CHRDL1: variants seen among roughly 807,000 people sequenced by gnomAD.
CHRDL1 encodes chordin-like protein 1.
In CHRDL1, 19 loss-of-function variants were observed where a neutral mutation model predicts 40.9. The observed-to-expected ratio is 0.46, with a 90% CI of 0.32 to 0.68. CHRDL1 has a LOEUF of 0.68. Ranked by LOEUF, CHRDL1 falls within the 30% of genes least tolerant of loss-of-function variation. CHRDL1 has a pLI of 0.03. For synonymous variants in CHRDL1, 136 were observed against 123.4 expected (o/e 1.10, Z -0.68); for missense variants, 329 against 352.1 (o/e 0.93, Z 0.53).
intron 4 of CHRDL1, among the ~76,000 whole-genome samples, chrX:110,750,815 C>T (rs1008657433): frequency 1.8e-5 from 2 of 111,824 alleles, no homozygotes; most frequent in African/African-American, 3.3e-5. Context: ...AGCAGAGGGG[C>T]AGGCCAGATG....
At chrX:110,763,358 T>G (rs2089599107) in intron 2 of CHRDL1, among the ~76,000 whole-genome samples, 1 of 108,835 alleles carries the variant, frequency 9.2e-6, no homozygotes, top group Non-Finnish European at 1.9e-5. Flanking sequence ...CTCCCACATA[T>G]CAGTGAGATC....
chrX:110,791,021 A>C (rs185873169), intron 2 of CHRDL1, among the ~76,000 whole-genome samples: 28 of 109,768 alleles, frequency 2.6e-4, no homozygotes, highest in African/African-American at 8.9e-4. Context: ...GTGGGACAGA[A>C]ACACACTTAA....
Position 110,676,144 on chromosome X carries a change from G to A in CHRDL1, c.*87C>T. On this transcript the variant is annotated 3_prime_UTR_variant, in exon 12 of 12. Transcript: ENST00000372042. ...CTGCATTTGAGTTTGGAGTTTTAGG[G>A]CACTGTTGACTTAAGCAAAATAAGC... 1 of 957,030 alleles carries A rather than the reference G, an allele frequency of 1.0e-6. No individual in the cohort carries two copies. Among genetic ancestry groups the A allele is most frequent in the South Asian group, 2.4e-5 (1 of 42,430 alleles). 78.9% of individuals were successfully genotyped at this position (957,030 alleles called of 1,213,427 possible).
At chrX:110,722,850 G>C (rs1441221569) in intron 4 of CHRDL1, among the ~76,000 whole-genome samples, 1 of 111,626 alleles carries the variant, frequency 9.0e-6, no homozygotes, top group Non-Finnish European at 1.9e-5. Flanking sequence ...TCATTAGGGA[G>C]AGGCTTAGAG....
At chrX:110,715,577 C>T (rs866670289) in intron 6 of CHRDL1, among the ~76,000 whole-genome samples, 5 of 111,764 alleles carry the variant, frequency 4.5e-5, no homozygotes, top group African/African-American at 1.6e-4. Flanking sequence ...TAACAGCACT[C>T]GTAGGTGGTA....
In CHRDL1 at chrX:110,681,613, T is replaced by C. The variant is rs1569458914; in HGVS notation, c.1025A>G (p.Tyr342Cys). Residue 342 changes from tyrosine (Y) to cysteine (C), a missense_variant, in exon 10 of 12, where the codon TAC becomes TGC. Transcript: ENST00000372042. The part of the protein sequence containing the change: ...LPGQSFDNKG[Y>C]FCGEETMPVY... ...AGGCATCGTTTCTTCCCCGCAGAAG[T>C]AGCCTTTATTGTCAAAGCTTTGGCC... The C allele has an allele frequency of 7.5e-6, 9 of 1,205,704 alleles. No individual in the cohort carries two copies. Among genetic ancestry groups the C allele is most frequent in the African/African-American group, 3.5e-5 (2 of 57,148 alleles).
chrX:110,689,482 A>ATC lies in CHRDL1; in HGVS notation c.779-681_779-680dup, dbSNP rs1285952155. ...TCTATATATATCTATATATCTATAT[A>ATC]TCTATATCTCTATATATCTATATAT... On this transcript the variant is annotated intron_variant, in intron 8 of 11. Transcript: ENST00000372042. 7.3e-4 allele frequency among the ~76,000 whole-genome samples: 25 copies of ATC among 34,129 alleles called. 2 individuals carry two copies. The highest frequency in any genetic ancestry group is 0.012 in the Middle Eastern group (1 of 85). 29.6% of individuals were successfully genotyped at this position (34,129 alleles called of 115,157 possible). A position where few individuals can be genotyped will look rare whatever the true frequency, so the allele number is the denominator to read the frequency against.
intron 4 of CHRDL1, 93 bp downstream of exon 4, chrX:110,759,568 T>C: frequency 1.5e-6 from 1 of 666,048 alleles, no homozygotes; most frequent in Non-Finnish European, 2.5e-6. Flanking sequence ...TGTCTGGAAG[T>C]TTCCCTTCTG....
At chrX:110,747,855 A>G (rs2089287330) in intron 4 of CHRDL1, among the ~76,000 whole-genome samples, 1 of 112,225 alleles carries the variant, frequency 8.9e-6, no homozygotes, top group Admixed American at 9.4e-5. Flanking sequence ...AATATAGTTT[A>G]CTTTTCCCTA....
intron 2 of CHRDL1, among the ~76,000 whole-genome samples, chrX:110,769,351 T>C (rs1439513644): frequency 1.8e-5 from 2 of 112,054 alleles, no homozygotes; most frequent in African/African-American, 6.5e-5. Context: ...ACGATCAAAA[T>C]TGAAGTAATA....
intron 8 of CHRDL1, among the ~76,000 whole-genome samples, chrX:110,691,318 A>G (rs963857359): frequency 3.7e-5 from 4 of 107,959 alleles, no homozygotes; most frequent in Admixed American, 1.0e-4. Context: ...ATCAACACCA[A>G]ATATATCTGG....
chrX:110,705,312 C>T (rs373380739), intron 6 of CHRDL1, among the ~76,000 whole-genome samples: 2 of 79,705 alleles, frequency 2.5e-5, no homozygotes, highest in East Asian at 3.6e-4. Context: ...TATACACACA[C>T]ACATATATAT....
At chrX:110,746,790 G>A (rs186951500) in intron 4 of CHRDL1, among the ~76,000 whole-genome samples, 55 of 111,388 alleles carry the variant, frequency 4.9e-4, no homozygotes, top group East Asian at 8.6e-4. Context: ...GAAATCTGGG[G>A]ACCCAGGATT....
chrX:110,782,395 C>T (rs1176690572), intron 2 of CHRDL1, among the ~76,000 whole-genome samples: 1 of 112,032 alleles, frequency 8.9e-6, no homozygotes, highest in African/African-American at 3.2e-5. Flanking sequence ...AGCTTTAGAA[C>T]CAAAGACTAT....
intron 6 of CHRDL1, among the ~76,000 whole-genome samples, chrX:110,714,691 G>C (rs1316166629): frequency 3.6e-5 from 4 of 111,618 alleles, no homozygotes; most frequent in African/African-American, 1.3e-4. Context: ...GTCTAGGATT[G>C]CTGTCTGACC....
intron 4 of CHRDL1, among the ~76,000 whole-genome samples, chrX:110,724,087 T>A (rs941177947): frequency 3.8e-5 from 4 of 104,825 alleles, no homozygotes; most frequent in Non-Finnish European, 6.1e-5. Context: ...GCTCTAATTA[T>A]TCCAAATCTC....
intron 8 of CHRDL1, among the ~76,000 whole-genome samples, chrX:110,689,645 T>TC (rs1569461909): frequency 9.2e-5 from 4 of 43,540 alleles, no homozygotes; most frequent in Admixed American, 3.2e-4. Flanking sequence ...TATCTATATA[T>TC]ATCTATATAT....
At chrX:110,759,900 C>A in intron 3 of CHRDL1, 146 bp from the exon 4 acceptor site, 5 of 470,801 alleles carry the variant, frequency 1.1e-5, no homozygotes, top group Non-Finnish European at 1.9e-5. Flanking sequence ...CATTTTCTTT[C>A]CTTTTCTCAT....
chrX:110,753,258 T>C (rs922831753), intron 4 of CHRDL1, among the ~76,000 whole-genome samples: 1 of 112,064 alleles, frequency 8.9e-6, no homozygotes, highest in Non-Finnish European at 1.9e-5. Flanking sequence ...TGCTACAACA[T>C]GGGTGAACCT....
Sources: allele counts gnomAD v4.1 joint callset (sites outside exome capture counted in the v4.1 genomes callset), GRCh38; gene constraint gnomAD v4.1.1; transcripts MANE v1.5; gene names NCBI Gene and HGNC (gene_info 2026-07-23, HGNC 2026-07-21).